The following KCNJ3 variants were observed in gnomAD, a reference collection of about 807,000 sequenced individuals.
KCNJ3 encodes the protein potassium inwardly rectifying channel subfamily J member 3, also known as G protein-activated inward rectifier potassium channel 1.
Under a neutral mutation model 39.2 loss-of-function variants are expected in KCNJ3, and 4 were observed. The ratio of observed to expected loss-of-function variants is 0.10; its 90% CI spans 0.05 to 0.23. KCNJ3 has a LOEUF of 0.23. Among genes scored for constraint, KCNJ3 ranks in the 10% least tolerant of loss-of-function variants. KCNJ3 has a pLI of 1.00. For synonymous variants in KCNJ3, 230 were observed against 237.4 expected (o/e 0.97, Z 0.29); for missense variants, 276 against 634.9 (o/e 0.43, Z 6.08).
At chr2:154,842,456 C>T (rs1319852109) in intron 2 of KCNJ3, among the ~76,000 whole-genome samples, 1 of 152,170 alleles carries the variant, frequency 6.6e-6, no homozygotes, top group African/African-American at 2.4e-5. Flanking sequence ...TCTATTAGGT[C>T]TGCTTGTTGC....
intron 1 of KCNJ3, among the ~76,000 whole-genome samples, chr2:154,704,759 T>C (rs1372398149): frequency 1.3e-5 from 2 of 152,188 alleles, no homozygotes; most frequent in Non-Finnish European, 2.9e-5. Context: ...GGTACTTTTG[T>C]TCCTGATTCT....
chr2:154,813,622 T>C (rs1160654822), intron 2 of KCNJ3, among the ~76,000 whole-genome samples: 1 of 152,222 alleles, frequency 6.6e-6, no homozygotes, highest in Non-Finnish European at 1.5e-5. Flanking sequence ...ATCATTGGTT[T>C]AGCAAAATAT....
intron 1 of KCNJ3, among the ~76,000 whole-genome samples, chr2:154,707,633 T>C (rs750792910): frequency 1.1e-4 from 16 of 152,140 alleles, no homozygotes; most frequent in Non-Finnish European, 1.6e-4. Context: ...AAAATTATTT[T>C]AGAATAAATG....
chr2:154,795,352 G>C (rs772807775), intron 2 of KCNJ3, among the ~76,000 whole-genome samples: 2 of 151,676 alleles, frequency 1.3e-5, no homozygotes, highest in African/African-American at 2.4e-5. Flanking sequence ...TAAAAATGTT[G>C]ATTTCGCTAT....
chr2:154,805,234 G>A (rs1205870462), intron 2 of KCNJ3, among the ~76,000 whole-genome samples: 2 of 152,048 alleles, frequency 1.3e-5, no homozygotes, highest in East Asian at 1.9e-4. Context: ...TAAAGGGAGG[G>A]CTAATTTGAG....
intron 2 of KCNJ3, among the ~76,000 whole-genome samples, chr2:154,813,298 C>T (rs1296669314): frequency 1.3e-5 from 2 of 152,032 alleles, no homozygotes; most frequent in South Asian, 2.1e-4. Flanking sequence ...CTGTTTGAAG[C>T]GTTGCTGATA....
intron 2 of KCNJ3, among the ~76,000 whole-genome samples, chr2:154,775,247 C>CAA (rs1686312530): frequency 6.6e-6 from 1 of 151,972 alleles, no homozygotes; most frequent in Non-Finnish European, 1.5e-5. Context: ...TGTTGTAAGA[C>CAA]AAAAGAATTG....
intron 2 of KCNJ3, among the ~76,000 whole-genome samples, chr2:154,743,305 T>C (rs1685684742): frequency 1.3e-5 from 2 of 151,832 alleles, no homozygotes; most frequent in South Asian, 4.1e-4. Flanking sequence ...ATATGAGTCT[T>C]CCATCAATTG....
intron 2 of KCNJ3, among the ~76,000 whole-genome samples, chr2:154,733,367 T>G (rs191007154): frequency 4.9e-4 from 74 of 152,274 alleles, no homozygotes; most frequent in Middle Eastern, 3.4e-3. Context: ...ACATTTATAA[T>G]AAACAGTGAA....
Position 154,714,243 on chromosome 2 carries a change from T to G in KCNJ3, c.919+4424T>G, listed in dbSNP as rs1224637756. On this transcript the variant is annotated intron_variant, in intron 2 of 2. Transcript: ENST00000295101. ...TTTGCTCTGAAATATTTTCAGTTCTTTCCTACTGGAAAAAAATAAAACCTT... is the reference window on the plus strand; with the variant it reads ...TTTGCTCTGAAATATTTTCAGTTCTGTCCTACTGGAAAAAAATAAAACCTT... 5.9e-5 allele frequency among the ~76,000 whole-genome samples: 9 copies of G among 152,322 alleles called. No individual in the cohort carries two copies. In the South Asian group the frequency reaches 1.2e-3, roughly 21 times the overall value.
At chr2:154,838,580 T>A (rs564188217) in intron 2 of KCNJ3, among the ~76,000 whole-genome samples, 4 of 152,312 alleles carry the variant, frequency 2.6e-5, no homozygotes, top group African/African-American at 9.6e-5. Flanking sequence ...TTGTTAAAGA[T>A]TTTTAAGAGT....
At chr2:154,745,922 G>T (rs1685733238) in intron 2 of KCNJ3, among the ~76,000 whole-genome samples, 1 of 151,752 alleles carries the variant, frequency 6.6e-6, no homozygotes, top group South Asian at 2.1e-4. Context: ...CTTACTGCTA[G>T]GCAGGGGTTG....
intron 1 of KCNJ3, among the ~76,000 whole-genome samples, chr2:154,700,473 T>A (rs904886439): frequency 6.6e-6 from 1 of 152,212 alleles, no homozygotes; most frequent in Non-Finnish European, 1.5e-5. Flanking sequence ...CTAGAGGGAT[T>A]TGTCTTAGTA....
chr2:154,833,703 G>C (rs2971900), intron 2 of KCNJ3, among the ~76,000 whole-genome samples: 31,252 of 151,898 alleles, frequency 0.21, 3,512 homozygotes, highest in East Asian at 0.41. Context: ...TCATCCCTCC[G>C]TCTCCCTAAA....
At chr2:154,807,934 T>G (rs1686940880) in intron 2 of KCNJ3, among the ~76,000 whole-genome samples, 1 of 152,072 alleles carries the variant, frequency 6.6e-6, no homozygotes, top group Admixed American at 6.6e-5. Flanking sequence ...CCTCCCCAGG[T>G]GTTGGAGTTG....
intron 2 of KCNJ3, among the ~76,000 whole-genome samples, chr2:154,827,631 A>C (rs1300082197): frequency 6.6e-6 from 1 of 152,140 alleles, no homozygotes; most frequent in Non-Finnish European, 1.5e-5. Context: ...GACATTTGGA[A>C]GACTCAGGAG....
chr2:154,793,311 A>G (rs1214053204), intron 2 of KCNJ3, among the ~76,000 whole-genome samples: 1 of 151,982 alleles, frequency 6.6e-6, no homozygotes. Flanking sequence ...TTCACTGATG[A>G]CAGTGAATAT....
chr2:154,802,368 C>G (rs1237582476), intron 2 of KCNJ3, among the ~76,000 whole-genome samples: 2 of 151,958 alleles, frequency 1.3e-5, no homozygotes, highest in Non-Finnish European at 2.9e-5. Context: ...TCAGTATTAT[C>G]GTTTCCTGAT....
intron 1 of KCNJ3, among the ~76,000 whole-genome samples, chr2:154,702,977 G>A (rs916430740): frequency 2.0e-5 from 3 of 151,908 alleles, no homozygotes; most frequent in African/African-American, 7.2e-5. Flanking sequence ...AAAATGCCTG[G>A]ATTAGGGATT....
Sources: allele counts gnomAD v4.1 joint callset (sites outside exome capture counted in the v4.1 genomes callset), GRCh38; gene constraint gnomAD v4.1.1; transcripts MANE v1.5; gene names NCBI Gene and HGNC (gene_info 2026-07-23, HGNC 2026-07-21).